ANO2: variants seen among roughly 807,000 people sequenced by gnomAD.
ANO2 encodes anoctamin 2.
ANO2 carries 101 observed loss-of-function variants against 124.2 expected under a neutral mutation model. The observed-to-expected ratio is 0.81, with a 90% CI of 0.69 to 0.96. The LOEUF (loss-of-function observed/expected upper bound fraction) is 0.96. ANO2 is among the 40% of genes least tolerant of loss of function. ANO2 has a pLI of 0.00. For synonymous variants in ANO2, 486 were observed against 482.5 expected (o/e 1.01, Z -0.09); for missense variants, 1,293 against 1,274.5 (o/e 1.01, Z -0.22).
intron 3 of ANO2, among the ~76,000 whole-genome samples, chr12:5,912,079 G>A (rs1291069720): frequency 6.6e-6 from 1 of 152,140 alleles, no homozygotes; most frequent in Non-Finnish European, 1.5e-5. Flanking sequence ...AACCCCTTCT[G>A]AGGAATCCTA....
intron 14 of ANO2, among the ~76,000 whole-genome samples, chr12:5,698,043 C>A (rs1335043659): frequency 6.6e-6 from 1 of 152,128 alleles, no homozygotes; most frequent in Non-Finnish European, 1.5e-5. Flanking sequence ...GGCATAGAGG[C>A]AGCAGAAATT....
At chr12:5,692,818 T>C (rs779488485) in intron 14 of ANO2, among the ~76,000 whole-genome samples, 5 of 152,184 alleles carry the variant, frequency 3.3e-5, no homozygotes, top group Non-Finnish European at 7.3e-5. Flanking sequence ...AGGGAACGCT[T>C]CCGCCAGGCA....
chr12:5,944,550 A>C (rs1943018783), intron 1 of ANO2, among the ~76,000 whole-genome samples: 1 of 152,236 alleles, frequency 6.6e-6, no homozygotes, highest in African/African-American at 2.4e-5. Flanking sequence ...AGTCCTGCCC[A>C]AAAGCAATAA....
intron 14 of ANO2, among the ~76,000 whole-genome samples, chr12:5,711,350 T>C (rs1212688811): frequency 2.0e-5 from 3 of 152,112 alleles, no homozygotes; most frequent in African/African-American, 2.4e-5. Context: ...TTGCTTCCTC[T>C]CTTGCCATGT....
At chr12:5,796,665 G>T (rs556716560) in intron 10 of ANO2, among the ~76,000 whole-genome samples, 1 of 152,342 alleles carries the variant, frequency 6.6e-6, no homozygotes, top group African/African-American at 2.4e-5. Flanking sequence ...CAGTCTCACA[G>T]TGCAGCCTGC....
intron 3 of ANO2, among the ~76,000 whole-genome samples, chr12:5,916,167 C>T (rs1941363202): frequency 6.6e-6 from 1 of 152,088 alleles, no homozygotes. Context: ...GTCCCAGCTA[C>T]TCAGGAGGCT....
intron 3 of ANO2, among the ~76,000 whole-genome samples, chr12:5,887,262 T>A (rs1938987994): frequency 6.6e-6 from 1 of 152,068 alleles, no homozygotes; most frequent in Non-Finnish European, 1.5e-5. Context: ...CAAACCCCAA[T>A]GAAATGTAAT....
Position 5,832,484 on chromosome 12 carries a change from G to A in ANO2, c.753C>T (p.Leu251=), listed in dbSNP as rs764987396. The A allele has an allele frequency of 1.2e-6, 2 of 1,613,852 alleles. No individual in the cohort carries two copies. Among genetic ancestry groups the A allele is most frequent in the African/African-American group, 2.7e-5 (2 of 74,912 alleles). Residue 251 remains leucine (L), a synonymous_variant, in exon 5 of 25, where the codon CTC becomes CTT. Coordinates refer to ENST00000682330, the MANE Select transcript of ANO2 (RefSeq NM_001364791.2). ...TCTTCTCCCTGGAGAATGGGTAGGA[G>A]AGGTTTTTCATCTTGTTGTTGCTGT... ...PEHSNNKMKN[L]SYPFSREKMY...
intron 3 of ANO2, among the ~76,000 whole-genome samples, chr12:5,884,117 G>T (rs1378440844): frequency 1.3e-5 from 2 of 152,136 alleles, no homozygotes; most frequent in Admixed American, 6.5e-5. Flanking sequence ...GACATTATAT[G>T]GCCCCATTAT....
intron 14 of ANO2, among the ~76,000 whole-genome samples, chr12:5,732,265 G>C (rs925404041): frequency 6.6e-6 from 1 of 152,084 alleles, no homozygotes; most frequent in Non-Finnish European, 1.5e-5. Flanking sequence ...GCCTGAAACT[G>C]TTTCTCCTCT....
At chr12:5,830,406 T>C in intron 6 of ANO2, 29 bp downstream of exon 6, 1 of 1,608,480 alleles carries the variant, frequency 6.2e-7, no homozygotes, top group East Asian at 2.2e-5. Context: ...CCCATCCTCT[T>C]TCCTAACACA....
chr12:5,800,705 G>A (rs1953012604), intron 9 of ANO2, among the ~76,000 whole-genome samples: 1 of 152,226 alleles, frequency 6.6e-6, no homozygotes, highest in Admixed American at 6.5e-5. Flanking sequence ...CAGGTTAGTG[G>A]GGGTGAAATT....
intron 1 of ANO2, among the ~76,000 whole-genome samples, chr12:5,944,904 G>A (rs1943033272): frequency 1.3e-5 from 2 of 152,114 alleles, no homozygotes; most frequent in South Asian, 4.2e-4. Context: ...GGTGGGGATT[G>A]GTAACCAATC....
chr12:5,771,506 G>A (rs561158796), intron 10 of ANO2, among the ~76,000 whole-genome samples: 4 of 139,492 alleles, frequency 2.9e-5, no homozygotes, highest in African/African-American at 5.4e-5. Flanking sequence ...TCGGCTGGGC[G>A]CCGTGGCTTA....
intron 15 of ANO2, among the ~76,000 whole-genome samples, chr12:5,637,395 C>T (rs1448741142): frequency 6.7e-6 from 1 of 150,246 alleles, no homozygotes; most frequent in African/African-American, 2.5e-5. Flanking sequence ...GATTGGGAGA[C>T]GGACTAGGGG....
intron 1 of ANO2, among the ~76,000 whole-genome samples, chr12:5,930,301 T>A (rs900681804): frequency 7.2e-5 from 11 of 152,172 alleles, no homozygotes; most frequent in Non-Finnish European, 1.5e-4. Context: ...CGAACAGAGA[T>A]GTGAAATACT....
chr12:5,777,849 T>C (rs1396175962), intron 10 of ANO2, among the ~76,000 whole-genome samples: 2 of 152,098 alleles, frequency 1.3e-5, no homozygotes, highest in African/African-American at 4.8e-5. Flanking sequence ...GGAGCAGACA[T>C]TTGGTCTGCC....
At chr12:5,836,277 T>C (rs1179952152) in intron 4 of ANO2, among the ~76,000 whole-genome samples, 1 of 152,268 alleles carries the variant, frequency 6.6e-6, no homozygotes. Context: ...GAATAATCTT[T>C]AGCATAATTA....
intron 1 of ANO2, among the ~76,000 whole-genome samples, chr12:5,937,889 T>C (rs1041673966): frequency 6.6e-5 from 10 of 152,188 alleles, no homozygotes; most frequent in African/African-American, 2.4e-4. Context: ...TTCTTACTCC[T>C]AAAACAAAGC....
Sources: gnomAD v4.1 joint callset for allele counts (sites outside exome capture counted in the v4.1 genomes callset) on GRCh38, gnomAD v4.1.1 for gene constraint, MANE v1.5 for transcripts, NCBI Gene and HGNC (gene_info 2026-07-23, HGNC 2026-07-21) for gene names.